The following ZNF333 variants were observed in gnomAD, a reference collection of about 807,000 sequenced individuals.
ZNF333 encodes zinc finger protein 333.
ZNF333 carries 61 observed loss-of-function variants against 76.1 expected under a neutral mutation model. The observed-to-expected ratio is 0.80, with a 90% CI of 0.65 to 0.99. The LOEUF is 0.99. Among genes scored for constraint, ZNF333 ranks in the 50% least tolerant of loss-of-function variants. The probability of loss-of-function intolerance (pLI) is 0.00; values close to 1 mark genes in which losing one functional copy is unlikely to be tolerated. For synonymous variants in ZNF333, 284 were observed against 305.0 expected (o/e 0.93, Z 0.72); for missense variants, 717 against 822.4 (o/e 0.87, Z 1.57).
At chr19:14,722,846 C>T (rs530821636), downstream of ZNF333, among the ~76,000 whole-genome samples, 5 of 152,254 alleles carry the variant, frequency 3.3e-5, no homozygotes, top group Non-Finnish European at 5.9e-5. Flanking sequence ...AGTGCAATGG[C>T]GCAATCTTGG....
Position 14,695,093 on chromosome 19 carries a change from A to C in ZNF333, c.87A>C (p.Lys29Asn), listed in dbSNP as rs756580739. The C allele has an allele frequency of 6.2e-7, 1 of 1,614,114 alleles. No homozygotes were observed. Among genetic ancestry groups the C allele is most frequent in the Non-Finnish European group, 8.5e-7 (1 of 1,179,970 alleles). The part of the protein sequence containing the change: ...LLDSARRSLC[K>N]YRMLDQCRTL... ...ACAGCGCACGGAGGAGCCTGTGCAA[A>C]TACAGGATGCTTGACCAGTGCAGGA... The change falls in exon 3 of 12, where the codon AAA (lysine) becomes AAC (asparagine). Residue 29 changes from lysine (K) to asparagine (N), a missense_variant. By Grantham distance (94) the Lys-to-Asn change is moderately conservative (BLOSUM62 0). Coordinates refer to ENST00000292530, the MANE Select transcript of ZNF333 (RefSeq NM_032433.4).
intron 7 of ZNF333, among the ~76,000 whole-genome samples, chr19:14,709,475 C>T (rs117079731): frequency 6.7e-4 from 102 of 152,288 alleles, no homozygotes; most frequent in Non-Finnish European, 1.2e-3. Flanking sequence ...CTCATAACAG[C>T]CACATACCCC....
intron 6 of ZNF333, chr19:14,706,405 T>C: frequency 2.2e-6 from 1 of 444,742 alleles, no homozygotes; most frequent in South Asian, 2.2e-5. Context: ...CACTCCCCAC[T>C]TTTTTCCCAG....
chr19:14,717,090 G>A lies in ZNF333; in HGVS notation c.823+1G>A. ...GGCGTCCTCTCAGACACCTGTGCAGGTGAGCCCAGGCAGATCAGGTGAGCA... is the reference window on the plus strand; with the variant it reads ...GGCGTCCTCTCAGACACCTGTGCAGATGAGCCCAGGCAGATCAGGTGAGCA... On this transcript the variant is annotated splice_donor_variant, in intron 10 of 11. Coordinates refer to ENST00000292530, the MANE Select transcript of ZNF333 (RefSeq NM_032433.4). LOFTEE classifies it high-confidence loss of function. 1 of 1,601,574 alleles carries A rather than the reference G, an allele frequency of 6.2e-7. No homozygotes were observed. Among genetic ancestry groups the A allele is most frequent in the Non-Finnish European group, 8.5e-7 (1 of 1,172,706 alleles).
intron 8 of ZNF333, 131 bp downstream of exon 8, chr19:14,715,601 T>A: frequency 1.3e-6 from 1 of 799,002 alleles, no homozygotes; most frequent in Non-Finnish European, 2.0e-6. Flanking sequence ...CCTCTTGCAG[T>A]GGGTGTCAGC....
In ZNF333 at chr19:14,719,969, T is replaced by C; in HGVS notation, c.*644T>C. 1 of 957,974 alleles carries C rather than the reference T, an allele frequency of 1.0e-6. No homozygotes were observed. The highest frequency in any genetic ancestry group is 1.2e-6 in the Non-Finnish European group (1 of 805,016). The allele number at this position is 957,974 out of a possible 1,614,324, so 59.3% of individuals were successfully genotyped here. ...GGGAGGCTGAGGCTGGGGGATCACC[T>C]GAGGTCAGGAGTTCGAGATCAGCCT... On this transcript the variant is annotated 3_prime_UTR_variant, in exon 12 of 12. Transcript: ENST00000292530.
Position 14,717,010 on chromosome 19 carries a change from AC to A in ZNF333, c.747del (p.Asn250MetfsTer49), listed in dbSNP as rs2042451344. ...LASVADQLCK[P>X]NALSYLEERG... ...CATGAGCAGCTGATCAACTGTGCAA[AC>A]CCAATGCGTTGTCTTATTTGGAAGA... On this transcript the variant is annotated frameshift_variant, in exon 10 of 12. Transcript: ENST00000292530. LOFTEE classifies it high-confidence loss of function. The A allele has an allele frequency of 6.2e-7, 1 of 1,611,888 alleles. No homozygotes were observed. Among genetic ancestry groups the A allele is most frequent in the African/African-American group, 1.3e-5 (1 of 74,914 alleles).
rs1973237856 is a variant in ZNF333, at chr19:14,696,887, C to A, written c.223+1226C>A. Among the ~76,000 whole-genome samples, 3 of 151,862 alleles carry A rather than the reference C, an allele frequency of 2.0e-5. No homozygotes were observed. The South Asian group carries it at 6.3e-4, about 32-fold the overall frequency. On this transcript the variant is annotated intron_variant, in intron 4 of 11. Transcript: ENST00000292530. ...CTGAGTAGCTGGGACTACAGGTGCACACCACCACACCCGGCTAATTTTTGT... is the reference window on the plus strand; with the variant it reads ...CTGAGTAGCTGGGACTACAGGTGCAAACCACCACACCCGGCTAATTTTTGT...
Position 14,717,004 on chromosome 19 carries a change from G to A in ZNF333, c.738G>A (p.Leu246=), listed in dbSNP as rs749819199. The change falls in exon 10 of 12, where the codon CTG becomes CTA. Residue 246 remains leucine, a synonymous_variant. Coordinates refer to ENST00000292530, the MANE Select transcript of ZNF333 (RefSeq NM_032433.4). ...YRNLASVADQ[L]CKPNALSYLE... Reference sequence around the variant, plus strand: ...TTTTCTCATGAGCAGCTGATCAACTGTGCAAACCCAATGCGTTGTCTTATT... The same window carrying A: ...TTTTCTCATGAGCAGCTGATCAACTATGCAAACCCAATGCGTTGTCTTATT... 3.7e-6 allele frequency: 6 copies of A among 1,611,614 alleles called. No individual in the cohort carries two copies. Among genetic ancestry groups the A allele is most frequent in the Admixed American group, 1.7e-5 (1 of 59,806 alleles).
intron 5 of ZNF333, chr19:14,701,792 C>G (rs185514950): frequency 2.0e-6 from 2 of 985,434 alleles, no homozygotes; most frequent in African/African-American, 3.5e-5. Context: ...AGGAAACAGG[C>G]GGTCACAGAC....
At chr19:14,696,905 A>G (rs1400296006) in intron 4 of ZNF333, among the ~76,000 whole-genome samples, 1 of 151,786 alleles carries the variant, frequency 6.6e-6, no homozygotes, top group Non-Finnish European at 1.5e-5. Flanking sequence ...CACCCGGCTA[A>G]TTTTTGTATT....
At chr19:14,718,165 A>G (rs1315340115) in intron 11 of ZNF333, 63 bp from the exon 12 acceptor site, 9 of 1,538,298 alleles carry the variant, frequency 5.9e-6, no homozygotes, top group South Asian at 3.9e-5. Flanking sequence ...TTCATTTCAC[A>G]TAGGGGAGAA....
At position 14,728,592 on chromosome 19, in the gene ZNF333, C is replaced by G. The variant is rs77892601; in HGVS notation, c.901-2583C>G. 4.2e-3 allele frequency among the ~76,000 whole-genome samples: 642 copies of G among 152,330 alleles called. 21 individuals are homozygous for G. The East Asian group carries it at 0.069, about 16-fold the overall frequency. On this transcript the variant is annotated intron_variant, in intron 11 of 11. Transcript: ENST00000540689. ...AGGTGAAGCCACTCATCTCAAACAA[C>G]AGTTACTGCATCAAACTTTCTCTAG...
At chr19:14,705,322 T>C (rs1029684599) in intron 6 of ZNF333, 152 bp downstream of exon 6, 7 of 660,494 alleles carry the variant, frequency 1.1e-5, no homozygotes, top group Non-Finnish European at 1.5e-5. Flanking sequence ...GTGGAGTCTG[T>C]TTCTGTGTTG....
In ZNF333 at chr19:14,719,298, T is replaced by A. The variant is rs1044996454; in HGVS notation, c.1971T>A (p.His657Gln). Residue 657 changes from histidine to glutamine, a missense_variant, in exon 12 of 12, where the codon CAT (histidine) becomes CAA (glutamine). Transcript: ENST00000292530. Reference protein sequence around the residue: ...RNGSLPLSMSHPYCGPLAN With the variant: ...RNGSLPLSMSQPYCGPLAN ...GCAGCCTGCCTTTATCCATGTCTCA[T>A]CCATACTGTGGGCCCCTTGCTAATT... The A allele has an allele frequency of 1.2e-6, 2 of 1,612,070 alleles. No individual in the cohort carries two copies. Among genetic ancestry groups the A allele is most frequent in the Non-Finnish European group, 1.7e-6 (2 of 1,178,846 alleles).
At chr19:14,692,144 C>T (rs1393099103) in intron 1 of ZNF333, among the ~76,000 whole-genome samples, 1 of 152,086 alleles carries the variant, frequency 6.6e-6, no homozygotes, top group Non-Finnish European at 1.5e-5. Context: ...AGTGCTTGCC[C>T]CTGTGGAGGC....
intron 2 of ZNF333, 150 bp downstream of exon 2, chr19:14,693,644 G>A: frequency 1.1e-6 from 1 of 874,202 alleles, no homozygotes; most frequent in Non-Finnish European, 1.7e-6. Context: ...CTGCCCTAGG[G>A]GACCTAGGGA....
chr19:14,720,139 T>C lies in ZNF333; in HGVS notation c.*814T>C, dbSNP rs905933786. The C allele has an allele frequency of 4.3e-6, 4 of 937,212 alleles. No homozygotes were observed. In the African/African-American group the frequency reaches 7.1e-5, roughly 17 times the overall value. The allele number at this position is 937,212 out of a possible 1,614,324, so 58.1% of individuals were successfully genotyped here. ...AGGCAGAGGTTGCAGTGAGCCGAGA[T>C]TGCGCCACTGCACTCCAGCCTGGGC... On this transcript the variant is annotated 3_prime_UTR_variant, in exon 12 of 12. Transcript: ENST00000292530.
intron 11 of ZNF333, chr19:14,731,142 C>T: frequency 6.5e-7 from 1 of 1,531,538 alleles, no homozygotes. Flanking sequence ...CTTCTCTTTC[C>T]CTCATTCTTC....
Sources: gnomAD v4.1 joint callset for allele counts (sites outside exome capture counted in the v4.1 genomes callset) on GRCh38, gnomAD v4.1.1 for gene constraint, MANE v1.5 for transcripts, NCBI Gene and HGNC (gene_info 2026-07-23, HGNC 2026-07-21) for gene names.